Variants in MID1 observed in about 807,000 individuals in gnomAD.
MID1 encodes the protein E3 ubiquitin-protein ligase Midline-1.
Under a neutral mutation model 40.4 loss-of-function variants are expected in MID1, and 7 were observed. The observed-to-expected ratio is 0.17, with a 90% confidence interval of 0.10 to 0.33. MID1 has a LOEUF of 0.33. MID1 is among the 10% of genes least tolerant of loss of function. The pLI, the probability that MID1 is intolerant of heterozygous loss-of-function variation, is 1.00. For synonymous variants in MID1, 229 were observed against 221.2 expected (o/e 1.04, Z -0.31); for missense variants, 367 against 558.5 (o/e 0.66, Z 3.46).
rs1281393445 is a variant in MID1 at position 10,566,497 on chromosome X, T to TTCTCTCTC, written c.660+383_660+390dup. ...GCCCAAAGCCAGATTTTATCTGTCA[T>TTCTCTCTC]TCTCTCTCTCTCTCCCTCTCTCTCC... is the stretch of plus-strand genomic sequence containing the variant. On this transcript the variant is annotated intron_variant, in intron 2 of 9. Coordinates refer to ENST00000317552, the MANE Select transcript of MID1 (RefSeq NM_000381.4). Among the ~76,000 whole-genome samples the TTCTCTCTC allele has an allele frequency of 9.4e-4, 68 of 72,078 alleles. 1 individual carries two copies. The highest frequency in any genetic ancestry group is 4.0e-3 in the African/African-American group (64 of 16,171). 62.6% of individuals were successfully genotyped at this position (72,078 alleles called of 115,157 possible).
At chrX:10,538,800 A>G (rs1466923536) in intron 2 of MID1, among the ~76,000 whole-genome samples, 5 of 112,184 alleles carry the variant, frequency 4.5e-5, no homozygotes, top group African/African-American at 1.6e-4. Flanking sequence ...CTGTGCAAAT[A>G]GAGGCACTGA....
At chrX:10,677,694 C>G (rs760766071) in intron 1 of MID1, 1 of 112,342 alleles carries the variant, frequency 8.9e-6, no homozygotes, top group East Asian at 2.8e-4. Context: ...TCAGAATACC[C>G]AAACTGGGGC....
At chrX:10,523,748 T>A (rs1427463870) in intron 2 of MID1, among the ~76,000 whole-genome samples, 1 of 112,139 alleles carries the variant, frequency 8.9e-6, no homozygotes. Context: ...GGGTTCCACA[T>A]ACCTGGATTC....
In MID1 at chrX:10,550,022, G is replaced by A. The variant is rs775963765; in HGVS notation, c.660+16866C>T. Among the ~76,000 whole-genome samples, 102 of 112,828 alleles carry A rather than the reference G, an allele frequency of 9.0e-4. 1 individual carries two copies. The highest frequency in any genetic ancestry group is 3.1e-3 in the African/African-American group (98 of 31,124). On this transcript the variant is annotated intron_variant, in intron 2 of 9. Coordinates refer to ENST00000317552, the MANE Select transcript of MID1 (RefSeq NM_000381.4). Reference sequence around the variant, plus strand: ...TCCACAGTTTTGCAAGGATAAAGACGCAATGCTATATAAATATAAATGGTT... The same window carrying A: ...TCCACAGTTTTGCAAGGATAAAGACACAATGCTATATAAATATAAATGGTT...
At chrX:10,463,958 T>C (rs751899136) in intron 7 of MID1, among the ~76,000 whole-genome samples, 1 of 112,316 alleles carries the variant, frequency 8.9e-6, no homozygotes, top group South Asian at 3.7e-4. Context: ...ATGGATCCTG[T>C]AGGCATTAGG....
In MID1 at chrX:10,449,656, A is replaced by G. The variant is rs759394355; in HGVS notation, c.1716T>C (p.Ser572=). 2 of 1,211,990 alleles carry G rather than the reference A, an allele frequency of 1.7e-6. No individual in the cohort carries two copies. Among genetic ancestry groups the G allele is most frequent in the South Asian group, 1.8e-5 (1 of 56,988 alleles). Residue 572 remains serine (S), a synonymous_variant, in exon 10 of 10, where the codon TCT becomes TCC. Transcript: ENST00000317552. Reference sequence around the variant, plus strand: ...TGCAGCGGCAGAGCGCCCAGGAAGCAGAGTTCTTCCCAATCCATTCATGCT... The same window carrying G: ...TGCAGCGGCAGAGCGCCCAGGAAGCGGAGTTCTTCCCAATCCATTCATGCT... ...APKHEWIGKN[S]ASWALCRCNN... is the part of the protein sequence containing the mutation.
chrX:10,601,317 T>C (rs1379345113), intron 1 of MID1, among the ~76,000 whole-genome samples: 1 of 112,322 alleles, frequency 8.9e-6, no homozygotes, highest in Non-Finnish European at 1.9e-5. Context: ...TCCAGGCCTC[T>C]GCCTGTTTTT....
chrX:10,766,645 C>T (rs113173356), intron 1 of MID1, among the ~76,000 whole-genome samples: 4,151 of 111,799 alleles, frequency 0.037, 164 homozygotes, highest in African/African-American at 0.12. Flanking sequence ...TAGGGCTGGA[C>T]ATGGTGGCTT....
chrX:10,589,034 A>T (rs1184495075), intron 1 of MID1, among the ~76,000 whole-genome samples: 1 of 111,459 alleles, frequency 9.0e-6, no homozygotes, highest in African/African-American at 3.3e-5. Flanking sequence ...TGCTTCTTTG[A>T]GACAAAACAC....
chrX:10,800,256 G>A (rs1420700778), intron 1 of MID1, among the ~76,000 whole-genome samples: 2 of 111,904 alleles, frequency 1.8e-5, no homozygotes, highest in African/African-American at 6.5e-5. Flanking sequence ...AGGAATTGAG[G>A]GTGGTCTCTG....
chrX:10,813,217 G>A (rs1031890720), intron 1 of MID1, among the ~76,000 whole-genome samples: 1 of 110,121 alleles, frequency 9.1e-6, no homozygotes, highest in Non-Finnish European at 1.9e-5. Flanking sequence ...TGATGTTTAT[G>A]AAAGAATTCC....
intron 1 of MID1, among the ~76,000 whole-genome samples, chrX:10,685,438 C>T (rs1429982708): frequency 2.7e-5 from 3 of 111,905 alleles, no homozygotes; most frequent in Admixed American, 1.9e-4. Context: ...CTAAAAATAT[C>T]ACTCTAACTT....
rs751558390 is a variant in MID1, at chrX:10,720,958, G to A, written c.-186-100539C>T. Among the ~76,000 whole-genome samples the A allele has an allele frequency of 2.1e-3, 223 of 105,876 alleles. 2 individuals carry two copies. Among genetic ancestry groups the A allele is most frequent in the Middle Eastern group, 4.7e-3 (1 of 211 alleles). 91.9% of individuals were successfully genotyped at this position (105,876 alleles called of 115,157 possible). On this transcript the variant is annotated intron_variant, in intron 1 of 10. Coordinates refer to the MID1 transcript ENST00000380785. ...CAAACTATCGCAAGGACAAAAAACC[G>A]AACACCGCATGTTCTCACTCATAGG...
rs1928077162 is a variant in MID1, at chrX:10,447,135, T to C, written c.*2233A>G. 1 of 111,923 alleles carries C rather than the reference T, an allele frequency of 8.9e-6. No individual in the cohort carries two copies. Among genetic ancestry groups the C allele is most frequent in the Non-Finnish European group, 1.9e-5 (1 of 53,199 alleles). 9.2% of individuals were successfully genotyped at this position (111,923 alleles called of 1,213,427 possible). Reference sequence around the variant, plus strand: ...TAGTAACTGCTACTATCCACAATGCTTTTAAGTTAGCCAAGAGTGAGACTT... The same window carrying C: ...TAGTAACTGCTACTATCCACAATGCCTTTAAGTTAGCCAAGAGTGAGACTT... On this transcript the variant is annotated 3_prime_UTR_variant, in exon 10 of 10. Coordinates refer to ENST00000317552, the MANE Select transcript of MID1 (RefSeq NM_000381.4).
intron 3 of MID1, among the ~76,000 whole-genome samples, chrX:10,507,324 A>C (rs1308503454): frequency 9.0e-6 from 1 of 111,338 alleles, no homozygotes; most frequent in Non-Finnish European, 1.9e-5. Context: ...GGGAAGGGAG[A>C]GGGCAGCCTG....
chrX:10,551,476 T>C (rs888004967), intron 2 of MID1, among the ~76,000 whole-genome samples: 1 of 112,291 alleles, frequency 8.9e-6, no homozygotes, highest in Admixed American at 9.5e-5. Flanking sequence ...AAAGGCATTA[T>C]TTTGCTTGAC....
At chrX:10,566,776 A>G in intron 2 of MID1, 112 bp downstream of exon 2, 1 of 825,205 alleles carries the variant, frequency 1.2e-6, no homozygotes, top group Non-Finnish European at 1.8e-6. Context: ...TAATCAGATA[A>G]CAAAGGTGAG....
intron 3 of MID1, among the ~76,000 whole-genome samples, chrX:10,515,716 A>T (rs1324658922): frequency 1.8e-5 from 2 of 111,915 alleles, no homozygotes; most frequent in African/African-American, 6.5e-5. Flanking sequence ...CATTATGGCA[A>T]TTGGCCACCC....
intron 1 of MID1, among the ~76,000 whole-genome samples, chrX:10,675,244 A>G (rs114718880): frequency 0.016 from 1,746 of 112,478 alleles, 36 homozygotes; most frequent in African/African-American, 0.052. Flanking sequence ...AAGTTTAGAA[A>G]CAAAACATCC....
Sources: allele counts gnomAD v4.1 joint callset (sites outside exome capture counted in the v4.1 genomes callset), GRCh38; gene constraint gnomAD v4.1.1; transcripts MANE v1.5; gene names NCBI Gene and HGNC (gene_info 2026-07-23, HGNC 2026-07-21).